Variants in CD33 observed in about 807,000 individuals in gnomAD.
CD33 encodes the protein CD33 molecule.
In CD33, 25 loss-of-function variants were observed where a neutral mutation model predicts 31.4. That is an observed-to-expected ratio of 0.80 (90% confidence interval 0.58 to 1.11). The LOEUF (loss-of-function observed/expected upper bound fraction) is 1.11. Among genes scored for constraint, CD33 ranks in the 50% most tolerant of loss-of-function variants. The pLI, the probability that CD33 is intolerant of heterozygous loss-of-function variation, is 0.00. For synonymous variants in CD33, 176 were observed against 180.6 expected (o/e 0.97, Z 0.20); for missense variants, 407 against 448.1 (o/e 0.91, Z 0.83).
upstream of CD33, among the ~76,000 whole-genome samples, chr19:51,222,349 G>A (rs1980723050): frequency 6.6e-6 from 1 of 152,130 alleles, no homozygotes; most frequent in African/African-American, 2.4e-5. Flanking sequence ...TTCCTACTAA[G>A]GTTAAACTTA....
chr19:51,211,288 C>A, the CD33 span: 3 of 1,571,886 alleles, frequency 1.9e-6, no homozygotes, highest in Non-Finnish European at 2.6e-6. Context: ...CGTCCTCGTG[C>A]CCTGCACTTT....
upstream of CD33, among the ~76,000 whole-genome samples, chr19:51,222,521 G>T (rs1230513446): frequency 6.6e-6 from 1 of 152,116 alleles, no homozygotes; most frequent in Non-Finnish European, 1.5e-5. Flanking sequence ...CACATAAATG[G>T]AATACTACTT....
At chr19:51,238,694 G>A (rs1352844241) in intron 6 of CD33, 1 of 152,246 alleles carries the variant, frequency 6.6e-6, no homozygotes, top group Non-Finnish European at 1.5e-5. Context: ...GCTGGAGGAA[G>A]ATCTCTTGAC....
chr19:51,211,367 T>C, the CD33 span: 3 of 1,556,632 alleles, frequency 1.9e-6, no homozygotes, highest in Non-Finnish European at 1.8e-6. Flanking sequence ...GAAGGAGCCA[T>C]TGTATCCAGG....
upstream of CD33, among the ~76,000 whole-genome samples, chr19:51,222,227 A>G (rs2123145137): frequency 6.6e-6 from 1 of 152,380 alleles, no homozygotes; most frequent in South Asian, 2.1e-4. Context: ...TTGTTCAAAT[A>G]TAAAGCAGGA....
At chr19:51,213,850 CT>C in the CD33 span, among the ~76,000 whole-genome samples, 222 of 125,892 alleles carry the variant, frequency 1.8e-3, no homozygotes, top group African/African-American at 3.2e-3. Context: ...TTTTCTTTTT[CT>C]TTTTTTTTTT....
chr19:51,238,150 T>G (rs964816731), intron 6 of CD33: 4 of 152,256 alleles, frequency 2.6e-5, no homozygotes, highest in African/African-American at 9.6e-5. Flanking sequence ...CCAATGATGA[T>G]GTTCATGTGG....
At chr19:51,211,210 G>A in the CD33 span, 1 of 1,574,570 alleles carries the variant, frequency 6.4e-7, no homozygotes, top group Non-Finnish European at 8.6e-7. Context: ...CCCCACAGGG[G>A]CCCTGGCTAT....
the CD33 span, among the ~76,000 whole-genome samples, chr19:51,214,805 T>C: frequency 1.3e-5 from 2 of 152,212 alleles, no homozygotes; most frequent in African/African-American, 4.8e-5. Flanking sequence ...TCTGATAGTG[T>C]CAATCACTAA....
At chr19:51,216,190 T>C in the CD33 span, among the ~76,000 whole-genome samples, 1 of 150,512 alleles carries the variant, frequency 6.6e-6, no homozygotes, top group Non-Finnish European at 1.5e-5. Flanking sequence ...CAGGTCCTGA[T>C]TGTCCTTCAG....
In CD33 at chr19:51,235,618, C is replaced by A; in HGVS notation, c.866C>A (p.Ala289Glu). 6.2e-7 allele frequency: 1 copy of A among 1,613,928 alleles called. No individual in the cohort carries two copies. Among genetic ancestry groups the A allele is most frequent in the Non-Finnish European group, 8.5e-7 (1 of 1,179,944 alleles). The change falls in exon 6 of 7, where the codon GCA (alanine) becomes GAA (glutamate). Residue 289 changes from alanine (A) to glutamate (E), a missense_variant. By Grantham distance (107) the Ala-to-Glu change is moderately radical. Transcript: ENST00000262262. ...AGAGTGAAGACCCACAGGAGGAAAG[C>A]AGCCAGGACAGCAGTGGGCAGGAAT... ...FFIVKTHRRKAARTAVGRNDT... is the reference protein window; with the variant it reads ...FFIVKTHRRKEARTAVGRNDT...
At chr19:51,232,692 C>T (rs536620486) in intron 4 of CD33, among the ~76,000 whole-genome samples, 4 of 152,294 alleles carry the variant, frequency 2.6e-5, no homozygotes, top group Non-Finnish European at 5.9e-5. Context: ...TTGAAGCTCT[C>T]GATTGCGGTT....
chr19:51,211,757 C>T, the CD33 span: 2 of 775,354 alleles, frequency 2.6e-6, no homozygotes, highest in Non-Finnish European at 4.4e-6. Context: ...CCTCAGTCAC[C>T]CCTTCCTGAT....
At chr19:51,220,751 TAGGAGGCCCCCATCTGCCCTCC>T (rs1366625280), upstream of CD33, among the ~76,000 whole-genome samples, 1 of 152,080 alleles carries the variant, frequency 6.6e-6, no homozygotes, top group Non-Finnish European at 1.5e-5. Flanking sequence ...TTCTGCCCCC[TAGGAGGCCCCCATCTGCCCTCC>T]AGACCTTGCC....
upstream of CD33, among the ~76,000 whole-genome samples, chr19:51,223,219 T>TA (rs552385825): frequency 1.1e-3 from 156 of 147,372 alleles, no homozygotes; most frequent in East Asian, 2.6e-3. Context: ...GACCCTGTCT[T>TA]AAAAAAAAAA....
chr19:51,212,090 G>T, the CD33 span: 5 of 692,108 alleles, frequency 7.2e-6, no homozygotes, highest in Admixed American at 1.1e-4. Flanking sequence ...GGGCCAGGAC[G>T]CCTGGGTCCC....
chr19:51,237,846 A>G (rs1328097625), intron 6 of CD33: 1 of 152,234 alleles, frequency 6.6e-6, no homozygotes, highest in Non-Finnish European at 1.5e-5. Flanking sequence ...TATAGAAGAG[A>G]AGATACCAGA....
the CD33 span, among the ~76,000 whole-genome samples, chr19:51,216,232 G>GTA: frequency 4.1e-5 from 6 of 146,660 alleles, no homozygotes; most frequent in African/African-American, 2.5e-5. Flanking sequence ...GAGTGTGTGT[G>GTA]TGTGTGTGTG....
intron 6 of CD33, chr19:51,238,198 A>G (rs1981922794): frequency 6.6e-6 from 1 of 152,352 alleles, no homozygotes; most frequent in East Asian, 1.9e-4. Flanking sequence ...CAAATTGCCA[A>G]TGATTAAAAT....
Sources: gnomAD v4.1 joint callset for allele counts (sites outside exome capture counted in the v4.1 genomes callset) on GRCh38, gnomAD v4.1.1 for gene constraint, MANE v1.5 for transcripts, NCBI Gene and HGNC (gene_info 2026-07-23, HGNC 2026-07-21) for gene names.